Variants in CDH7 observed in about 807,000 individuals in gnomAD.
CDH7 encodes the protein cadherin-7.
A neutral mutation model predicts 71.8 loss-of-function variants in CDH7; 25 were observed. The ratio of observed to expected loss-of-function variants is 0.35; its 90% CI spans 0.25 to 0.49. The LOEUF (loss-of-function observed/expected upper bound fraction) is 0.49, where lower values mean the gene tolerates loss of function less well. Among genes scored for constraint, CDH7 ranks in the 20% least tolerant of loss-of-function variants. The pLI is 0.99. For missense variants in CDH7, 862 were observed against 974.6 expected (o/e 0.88, Z 1.54); for synonymous variants, 381 against 363.8 (o/e 1.05, Z -0.54).
At chr18:65,869,208 G>A (rs1295294518) in intron 11 of CDH7, among the ~76,000 whole-genome samples, 1 of 123,772 alleles carries the variant, frequency 8.1e-6, no homozygotes, top group Non-Finnish European at 1.7e-5. Flanking sequence ...TGTTGCACCT[G>A]ATTTTTGTCC....
intron 2 of CDH7, among the ~76,000 whole-genome samples, chr18:65,777,980 GA>G (rs1489841946): frequency 6.6e-6 from 1 of 151,968 alleles, no homozygotes; most frequent in African/African-American, 2.4e-5. Flanking sequence ...TTTTTATTTA[GA>G]ACTAGTGCCA....
chr18:65,792,375 A>G (rs765454139), intron 2 of CDH7, among the ~76,000 whole-genome samples: 12 of 152,056 alleles, frequency 7.9e-5, no homozygotes, highest in Non-Finnish European at 1.8e-4. Flanking sequence ...TAAAGAATCA[A>G]ACAAGTAAAC....
intron 6 of CDH7, among the ~76,000 whole-genome samples, chr18:65,837,918 A>G (rs1235946003): frequency 7.7e-6 from 1 of 130,546 alleles, no homozygotes; most frequent in Admixed American, 1.0e-4. Flanking sequence ...TTAGAGATTT[A>G]GAGTAATTTT....
At chr18:65,868,624 A>G (rs1049736084) in intron 11 of CDH7, among the ~76,000 whole-genome samples, 3 of 152,176 alleles carry the variant, frequency 2.0e-5, no homozygotes, top group Non-Finnish European at 4.4e-5. Flanking sequence ...GTTAACTCTG[A>G]GTGTCTATTT....
chr18:65,875,041 T>C (rs975990366), intron 11 of CDH7, among the ~76,000 whole-genome samples: 2 of 152,348 alleles, frequency 1.3e-5, no homozygotes, highest in Admixed American at 1.3e-4. Context: ...CACAAATTTG[T>C]ACACTTTCTT....
rs549470014 is a variant in CDH7, at chr18:65,881,711, G to A, written c.*817G>A. The A allele has an allele frequency of 1.3e-5, 2 of 151,780 alleles. No individual in the cohort carries two copies. Among genetic ancestry groups the A allele is most frequent in the Non-Finnish European group, 2.9e-5 (2 of 67,940 alleles). The allele number at this position is 151,780 out of a possible 1,614,324, so 9.4% of individuals were successfully genotyped here. Reference sequence around the variant, plus strand: ...TGACACATGGTGTTGTATTTATTTTGGAGCTCCAATCTCCACTAAATTCAG... The same window carrying A: ...TGACACATGGTGTTGTATTTATTTTAGAGCTCCAATCTCCACTAAATTCAG... On this transcript the variant is annotated 3_prime_UTR_variant, in exon 12 of 12. Transcript: ENST00000397968.
intron 7 of CDH7, among the ~76,000 whole-genome samples, chr18:65,853,941 A>G (rs1225336183): frequency 9.4e-6 from 1 of 106,834 alleles, no homozygotes; most frequent in Admixed American, 9.7e-5. Flanking sequence ...ATATATATAT[A>G]TATATATATA....
At chr18:65,783,669 T>C (rs2054186724) in intron 2 of CDH7, among the ~76,000 whole-genome samples, 3 of 152,198 alleles carry the variant, frequency 2.0e-5, no homozygotes, top group Admixed American at 2.0e-4. Context: ...TGAGGGTCAC[T>C]GATGTAGGCT....
rs760930960 is a variant in CDH7, at chr18:65,837,888, G to A, written c.982-5924G>A. Among the ~76,000 whole-genome samples, 77 of 150,478 alleles carry A rather than the reference G, an allele frequency of 5.1e-4. 1 individual carries two copies. Among genetic ancestry groups the A allele is most frequent in the Non-Finnish European group, 9.3e-4 (63 of 67,676 alleles). ...TCCAAGGTTGTAGATCAGGTTTAAG[G>A]TTCTGGGTAGTATGTTTATTTAGAG... On this transcript the variant is annotated intron_variant, in intron 6 of 11. Coordinates refer to ENST00000397968, the MANE Select transcript of CDH7 (RefSeq NM_004361.5).
chr18:65,839,399 C>T (rs939974839), intron 6 of CDH7, among the ~76,000 whole-genome samples: 15 of 152,034 alleles, frequency 9.9e-5, no homozygotes, highest in African/African-American at 3.6e-4. Context: ...TCTCTGAGGT[C>T]TCATTTATAA....
Position 65,862,912 on chromosome 18 carries a change from T to C in CDH7, c.1859T>C (p.Leu620Ser), listed in dbSNP as rs1568227199. Residue 620 changes from leucine to serine, a missense_variant, in exon 11 of 12, where the codon TTA becomes TCA. Leu to Ser is a moderately radical substitution (Grantham distance 145). Transcript: ENST00000397968. ...LIAILACVLTLLVLILLIVTM... is the reference protein window; with the variant it reads ...LIAILACVLTSLVLILLIVTM... ...GCCATACTCGCCTGTGTCTTGACAT[T>C]ATTGGGTAGGTACTGTTTCCAGGGC... 1 of 1,614,090 alleles carries C rather than the reference T, an allele frequency of 6.2e-7. No individual in the cohort carries two copies. The highest frequency in any genetic ancestry group is 8.5e-7 in the Non-Finnish European group (1 of 1,179,982).
At chr18:65,801,127 A>G (rs1911107468) in intron 2 of CDH7, among the ~76,000 whole-genome samples, 1 of 152,148 alleles carries the variant, frequency 6.6e-6, no homozygotes, top group Non-Finnish European at 1.5e-5. Flanking sequence ...TTGATTCAAG[A>G]CTTTAGGCTC....
chr18:65,757,023 T>A (rs1568168856), intron 1 of CDH7, among the ~76,000 whole-genome samples: 1 of 151,198 alleles, frequency 6.6e-6, no homozygotes, highest in East Asian at 1.9e-4. Context: ...TGATTAGTAA[T>A]TGATATGCTA....
At chr18:65,851,573 C>T (rs529493515) in intron 7 of CDH7, among the ~76,000 whole-genome samples, 2 of 152,302 alleles carry the variant, frequency 1.3e-5, no homozygotes, top group Admixed American at 1.3e-4. Flanking sequence ...CACCGGTATT[C>T]ATTAAGGAAT....
At chr18:65,759,433 T>C (rs1232377023) in intron 1 of CDH7, among the ~76,000 whole-genome samples, 1 of 151,330 alleles carries the variant, frequency 6.6e-6, no homozygotes, top group Non-Finnish European at 1.5e-5. Context: ...TTTTAATTTT[T>C]AGTAGAGACA....
intron 2 of CDH7, among the ~76,000 whole-genome samples, chr18:65,764,807 CTA>C: frequency 6.6e-6 from 1 of 152,082 alleles, no homozygotes; most frequent in South Asian, 2.1e-4. Flanking sequence ...TTTTAAAAAT[CTA>C]TATAGTTTTA....
intron 2 of CDH7, among the ~76,000 whole-genome samples, chr18:65,776,361 A>AACACACAC (rs66695422): frequency 3.0e-4 from 42 of 139,726 alleles, no homozygotes; most frequent in Admixed American, 1.2e-3. Flanking sequence ...GAAAGTACAG[A>AACACACAC]ACACACACAC....
chr18:65,846,642 T>C lies in CDH7; in HGVS notation c.1235+2577T>C, dbSNP rs1912945011. Among the ~76,000 whole-genome samples the C allele has an allele frequency of 3.9e-5, 6 of 152,124 alleles. No homozygotes were observed. The South Asian group carries it at 1.2e-3, about 31-fold the overall frequency. ...TATATAATATCCCTTAAGAGGCCAG[T>C]CTCCTTATTTTATAATTTGTTGCAT... On this transcript the variant is annotated intron_variant, in intron 7 of 11. Transcript: ENST00000397968.
intron 7 of CDH7, among the ~76,000 whole-genome samples, chr18:65,850,132 C>A (rs1913093033): frequency 6.7e-6 from 1 of 148,306 alleles, no homozygotes; most frequent in East Asian, 2.0e-4. Flanking sequence ...CCACTGCACT[C>A]CAGCCTCAGT....
Sources: gnomAD v4.1 joint callset for allele counts (sites outside exome capture counted in the v4.1 genomes callset) on GRCh38, gnomAD v4.1.1 for gene constraint, MANE v1.5 for transcripts, NCBI Gene and HGNC (gene_info 2026-07-23, HGNC 2026-07-21) for gene names.